The following TBC1D4 variants were observed in gnomAD, a reference collection of about 807,000 sequenced individuals.
TBC1D4 encodes the protein TBC1 domain family member 4, also known as TBC (Tre-2, BUB2, CDC16) domain-containing protein.
In TBC1D4, 121 loss-of-function variants were observed where a neutral mutation model predicts 142.5. The ratio of observed to expected loss-of-function variants is 0.85; its 90% CI spans 0.73 to 0.99. The LOEUF is 0.99. TBC1D4 is among the 50% of genes least tolerant of loss of function. TBC1D4 has a pLI of 0.00. For synonymous variants in TBC1D4, 630 were observed against 628.2 expected, an observed-to-expected ratio of 1.00 and a Z score of -0.04; for missense variants, 1,475 against 1,606.6, an observed-to-expected ratio of 0.92 and a Z score of 1.40.
intron 1 of TBC1D4, among the ~76,000 whole-genome samples, chr13:75,439,594 A>G (rs1886948787): frequency 6.6e-6 from 1 of 152,172 alleles, no homozygotes; most frequent in African/African-American, 2.4e-5. Flanking sequence ...TCTTTATTTC[A>G]ATGACTAGTT....
chr13:75,295,086 T>C, intron 17 of TBC1D4, 73 bp from the exon 18 acceptor site: 1 of 1,366,782 alleles, frequency 7.3e-7, no homozygotes, highest in South Asian at 1.3e-5. Flanking sequence ...CTGATTTTAA[T>C]TTTATTCTAA....
chr13:75,342,918 C>A (rs1304809376), intron 5 of TBC1D4, among the ~76,000 whole-genome samples: 2 of 151,978 alleles, frequency 1.3e-5, no homozygotes, highest in African/African-American at 4.8e-5. Flanking sequence ...CCTTTGCTAT[C>A]ATTCTCAGGT....
At chr13:75,348,324 C>T (rs916215799) in intron 5 of TBC1D4, among the ~76,000 whole-genome samples, 1 of 152,194 alleles carries the variant, frequency 6.6e-6, no homozygotes, top group Non-Finnish European at 1.5e-5. Context: ...TAATAATTTG[C>T]ACTCTTCCCA....
At position 75,430,773 on chromosome 13, in the gene TBC1D4, T is replaced by C. The variant is rs902599784; in HGVS notation, c.498+50497A>G. ...CCCTTAAGGCTTTATCCTGTGTAATTAGGGTTCCTCCGGTACAGCACTTCA... is the reference window on the plus strand; with the variant it reads ...CCCTTAAGGCTTTATCCTGTGTAATCAGGGTTCCTCCGGTACAGCACTTCA... On this transcript the variant is annotated intron_variant, in intron 1 of 20. Transcript: ENST00000377636. 4.6e-5 allele frequency among the ~76,000 whole-genome samples: 7 copies of C among 152,316 alleles called. No individual in the cohort carries two copies. The East Asian group carries it at 1.2e-3, about 25-fold the overall frequency.
At chr13:75,401,668 G>A (rs1235027081) in intron 1 of TBC1D4, among the ~76,000 whole-genome samples, 1 of 152,168 alleles carries the variant, frequency 6.6e-6, no homozygotes, top group Non-Finnish European at 1.5e-5. Context: ...AATGCAGTAG[G>A]TTTATTCTCC....
At chr13:75,344,138 C>G (rs571634362) in intron 5 of TBC1D4, among the ~76,000 whole-genome samples, 1 of 152,278 alleles carries the variant, frequency 6.6e-6, no homozygotes, top group African/African-American at 2.4e-5. Context: ...CGTTAGCCAC[C>G]GTGCCCGGCC....
intron 3 of TBC1D4, among the ~76,000 whole-genome samples, chr13:75,359,253 T>TA (rs983671253): frequency 2.0e-5 from 3 of 152,186 alleles, no homozygotes; most frequent in Non-Finnish European, 2.9e-5. Flanking sequence ...TGTATTATTT[T>TA]AAAAAACATT....
At chr13:75,420,301 A>T (rs1388592496) in intron 1 of TBC1D4, among the ~76,000 whole-genome samples, 1 of 152,240 alleles carries the variant, frequency 6.6e-6, no homozygotes, top group Non-Finnish European at 1.5e-5. Flanking sequence ...CACTAGCTAT[A>T]GCTAGCCTTC....
intron 1 of TBC1D4, among the ~76,000 whole-genome samples, chr13:75,444,127 C>CT (rs1887170360): frequency 6.6e-6 from 1 of 152,086 alleles, no homozygotes; most frequent in Non-Finnish European, 1.5e-5. Flanking sequence ...TGATACAATT[C>CT]TTTTTTCTTT....
At chr13:75,353,278 T>TA (rs1309797571) in intron 4 of TBC1D4, among the ~76,000 whole-genome samples, 1 of 152,196 alleles carries the variant, frequency 6.6e-6, no homozygotes, top group Non-Finnish European at 1.5e-5. Context: ...ACAAAACCTG[T>TA]AAAAAAGATT....
rs772630267 is a variant in TBC1D4, at chr13:75,294,942, A to T, written c.3228T>A (p.Asn1076Lys). ...CAGCATAAAGACTGGGGCTGATTTC[A>T]TTTTCTTCAAGGTGATTGTAGAGAT... ...HRDLYNHLEENEISPSLYAAP... is the reference protein window; with the variant it reads ...HRDLYNHLEEKEISPSLYAAP... The change falls in exon 18 of 21, where the codon AAT becomes AAA. Residue 1076 changes from asparagine (N) to lysine (K), a missense_variant. Asn to Lys is a moderately conservative substitution (Grantham distance 94). Around this residue, in one of 2 missense-constraint regions of TBC1D4, gnomAD observed 248 missense variants for 338.9 expected, o/e 0.73. Coordinates refer to ENST00000377636, the MANE Select transcript of TBC1D4 (RefSeq NM_014832.5). The T allele has an allele frequency of 6.2e-6, 10 of 1,613,754 alleles. No individual in the cohort carries two copies. In the Admixed American group the frequency reaches 6.7e-5, roughly 11 times the overall value.
intron 18 of TBC1D4, 141 bp downstream of exon 18, chr13:75,294,713 G>T: frequency 1.2e-6 from 1 of 867,610 alleles, no homozygotes; most frequent in Admixed American, 2.5e-5. Flanking sequence ...AACACAGCCA[G>T]GCACATTTAT....
chr13:75,417,799 C>T (rs1307847213), intron 1 of TBC1D4, among the ~76,000 whole-genome samples: 1 of 152,140 alleles, frequency 6.6e-6, no homozygotes, highest in African/African-American at 2.4e-5. Context: ...GGCTGCCTGG[C>T]TTTTTACCTT....
At chr13:75,455,471 G>A (rs910787450) in intron 1 of TBC1D4, among the ~76,000 whole-genome samples, 1 of 152,136 alleles carries the variant, frequency 6.6e-6, no homozygotes, top group Admixed American at 6.6e-5. Flanking sequence ...GCCAAGTGCC[G>A]TGGGACAGGT....
chr13:75,336,801 C>T, intron 8 of TBC1D4, 120 bp downstream of exon 8: 2 of 1,257,400 alleles, frequency 1.6e-6, no homozygotes, highest in Non-Finnish European at 1.1e-6. Flanking sequence ...TAAAAGTTAT[C>T]TTAGGTTTTT....
intron 1 of TBC1D4, among the ~76,000 whole-genome samples, chr13:75,461,594 A>AAATGTCAT (rs1202437821): frequency 2.6e-5 from 4 of 152,240 alleles, no homozygotes; most frequent in Admixed American, 6.5e-5. Context: ...TTCAACCTGT[A>AAATGTCAT]AATGTCATAT....
chr13:75,442,624 C>A (rs1357011899), intron 1 of TBC1D4, among the ~76,000 whole-genome samples: 1 of 151,718 alleles, frequency 6.6e-6, no homozygotes, highest in Non-Finnish European at 1.5e-5. Flanking sequence ...ACTAAAAATA[C>A]AAAAATTAGC....
chr13:75,451,547 G>T (rs1887532080), intron 1 of TBC1D4, among the ~76,000 whole-genome samples: 1 of 150,044 alleles, frequency 6.7e-6, no homozygotes. Context: ...AGGCATGGTG[G>T]TGCAAGCCTG....
intron 1 of TBC1D4, among the ~76,000 whole-genome samples, chr13:75,381,706 A>C: frequency 6.6e-6 from 1 of 152,228 alleles, no homozygotes; most frequent in East Asian, 1.9e-4. Context: ...ACATTTATTG[A>C]ATTTCTTCTC....
Sources: allele counts gnomAD v4.1 joint callset (sites outside exome capture counted in the v4.1 genomes callset), GRCh38; gene constraint gnomAD v4.1.1; regional missense constraint gnomAD v4.1.1; transcripts MANE v1.5; gene names NCBI Gene and HGNC (gene_info 2026-07-23, HGNC 2026-07-21).